Variants in SKA2 observed in about 807,000 individuals in gnomAD.
The protein encoded by SKA2 is spindle and kinetochore associated complex subunit 2.
SKA2 carries 13 observed loss-of-function variants against 16.9 expected under a neutral mutation model. That is an observed-to-expected ratio of 0.77 (90% CI 0.50 to 1.22). SKA2 has a LOEUF of 1.22. Ranked by LOEUF, SKA2 falls within the 50% of genes most tolerant of loss-of-function variation. SKA2 has a pLI of 0.00. For missense variants in SKA2, 107 were observed against 139.7 expected (o/e 0.77, Z 1.18); for synonymous variants, 47 against 48.5 (o/e 0.97, Z 0.13).
At chr17:59,117,584 CT>C (rs200334726) in intron 3 of SKA2, among the ~76,000 whole-genome samples, 2,322 of 150,560 alleles carry the variant, frequency 0.015, 62 homozygotes, top group African/African-American at 0.054. Flanking sequence ...TCTTCTTTTT[CT>C]TTTTTTTCTT....
intron 3 of SKA2, 38 bp downstream of exon 3, chr17:59,119,281 A>G (rs913398369): frequency 1.2e-6 from 2 of 1,605,162 alleles, no homozygotes; most frequent in African/African-American, 1.3e-5. Context: ...CTCAGAGCTA[A>G]AGCTAAACAA....
intron 2 of SKA2, among the ~76,000 whole-genome samples, chr17:59,130,966 T>C (rs1002766964): frequency 6.6e-6 from 1 of 152,160 alleles, no homozygotes; most frequent in Non-Finnish European, 1.5e-5. Context: ...TCAAACTTAC[T>C]GAAGAACAAC....
In SKA2 at chr17:59,113,500, C is replaced by G. The variant is rs1353264514; in HGVS notation, c.298-1155G>C. On this transcript the variant is annotated intron_variant, in intron 3 of 3. Coordinates refer to ENST00000330137, the MANE Select transcript of SKA2 (RefSeq NM_182620.4). ...ATCGCACCACTGAACTCCATCCAGC[C>G]TGGGTGACAGAGCAAGACTAAATCA... Among the ~76,000 whole-genome samples the G allele has an allele frequency of 3.8e-4, 58 of 151,636 alleles. 1 individual carries two copies. Among genetic ancestry groups the G allele is most frequent in the Admixed American group, 3.8e-3 (58 of 15,182 alleles).
At chr17:59,147,339 G>C (rs1032279410) in intron 1 of SKA2, among the ~76,000 whole-genome samples, 1 of 150,374 alleles carries the variant, frequency 6.7e-6, no homozygotes, top group African/African-American at 2.5e-5. Flanking sequence ...TGCGCTTAAG[G>C]CCAGGGCTGG....
chr17:59,110,166 A>G lies in SKA2; in HGVS notation c.*2111T>C, dbSNP rs909249491. The G allele has an allele frequency of 6.6e-6, 1 of 152,208 alleles. No individual in the cohort carries two copies. The highest frequency in any genetic ancestry group is 1.5e-5 in the Non-Finnish European group (1 of 68,042). The allele number at this position is 152,208 out of a possible 1,614,324, so 9.4% of individuals were successfully genotyped here. On this transcript the variant is annotated 3_prime_UTR_variant, in exon 4 of 4. Transcript: ENST00000330137. The stretch of plus-strand genomic sequence containing the variant: ...AAGTTATATTTAGGAGTCATCCACA[A>G]AGAGGCTTGAGAAACAAATGAAAAT...
intron 1 of SKA2, among the ~76,000 whole-genome samples, chr17:59,141,484 G>A (rs1294468965): frequency 6.6e-6 from 1 of 152,108 alleles, no homozygotes; most frequent in Non-Finnish European, 1.5e-5. Context: ...CTAGCACTTG[G>A]GGAGGCCGAG....
intron 2 of SKA2, among the ~76,000 whole-genome samples, chr17:59,130,621 C>T (rs1469211484): frequency 2.0e-5 from 3 of 149,748 alleles, no homozygotes; most frequent in Non-Finnish European, 4.4e-5. Context: ...CAGAGTGATC[C>T]GTCTCAAAAA....
intron 1 of SKA2, among the ~76,000 whole-genome samples, chr17:59,148,421 A>G (rs1303216318): frequency 6.6e-6 from 1 of 152,060 alleles, no homozygotes; most frequent in Non-Finnish European, 1.5e-5. Flanking sequence ...AAAAAAATAA[A>G]AATAAAAAAA....
intron 1 of SKA2, among the ~76,000 whole-genome samples, chr17:59,153,204 A>G (rs2046590565): frequency 6.6e-6 from 1 of 152,232 alleles, no homozygotes; most frequent in Non-Finnish European, 1.5e-5. Context: ...AGCAGAAATG[A>G]ATTATGAATT....
chr17:59,147,221 A>AAAAAAC (rs369241944), intron 1 of SKA2, among the ~76,000 whole-genome samples: 49 of 152,222 alleles, frequency 3.2e-4, no homozygotes, highest in African/African-American at 1.1e-3. Flanking sequence ...TAGGTTATTA[A>AAAAAAC]AAAAACAAAA....
At chr17:59,116,428 CTTT>C (rs929516990) in intron 3 of SKA2, among the ~76,000 whole-genome samples, 1 of 151,586 alleles carries the variant, frequency 6.6e-6, no homozygotes, top group East Asian at 1.9e-4. Context: ...TGTCTTTTGT[CTTT>C]TTTTTTCTTC....
At chr17:59,141,539 A>G (rs1402521342) in intron 1 of SKA2, among the ~76,000 whole-genome samples, 3 of 152,022 alleles carry the variant, frequency 2.0e-5, no homozygotes, top group African/African-American at 7.2e-5. Context: ...CAGCCTAGCC[A>G]ATATGGTGAA....
At chr17:59,124,883 G>A (rs1317553354) in intron 2 of SKA2, among the ~76,000 whole-genome samples, 2 of 152,112 alleles carry the variant, frequency 1.3e-5, no homozygotes, top group Non-Finnish European at 2.9e-5. Context: ...TTAGGACTGT[G>A]GTTAGGACTT....
chr17:59,140,590 G>A (rs1481617516), intron 1 of SKA2, among the ~76,000 whole-genome samples: 1 of 151,428 alleles, frequency 6.6e-6, no homozygotes, highest in Non-Finnish European at 1.5e-5. Context: ...GCCTCTAAAA[G>A]GCTAGTTTTA....
At chr17:59,148,808 CAAAAAAAAAA>C (rs758187008) in intron 1 of SKA2, among the ~76,000 whole-genome samples, 3 of 47,582 alleles carry the variant, frequency 6.3e-5, no homozygotes, top group South Asian at 1.7e-3. Flanking sequence ...GACCCTGTCT[CAAAAAAAAAA>C]AAAAAAAAAA....
chr17:59,148,378 C>T (rs1489913638), intron 1 of SKA2, among the ~76,000 whole-genome samples: 1 of 151,932 alleles, frequency 6.6e-6, no homozygotes, highest in Non-Finnish European at 1.5e-5. Context: ...AAGTTTGAGA[C>T]CAGCCTGGGC....
chr17:59,140,282 T>A (rs1380373103), intron 1 of SKA2, among the ~76,000 whole-genome samples: 1 of 151,868 alleles, frequency 6.6e-6, no homozygotes, highest in Non-Finnish European at 1.5e-5. Flanking sequence ...CAGGCTGAAG[T>A]GCAATGGCAC....
Position 59,119,505 on chromosome 17 carries a change from G to C in SKA2, c.121-10C>G. 2 of 1,607,214 alleles carry C rather than the reference G, an allele frequency of 1.2e-6. No individual in the cohort carries two copies. The highest frequency in any genetic ancestry group is 1.3e-5 in the African/African-American group (1 of 74,604). On this transcript the variant is annotated splice_polypyrimidine_tract_variant and intron_variant, in intron 2 of 3. Coordinates refer to ENST00000330137, the MANE Select transcript of SKA2 (RefSeq NM_182620.4). ...GTGTAACTGGATTTTTCTATGTCAG[G>C]AAAAAAGTGAACATGTATTAAATTA...
intron 2 of SKA2, among the ~76,000 whole-genome samples, chr17:59,128,094 A>G (rs866341817): frequency 6.6e-5 from 10 of 151,448 alleles, no homozygotes; most frequent in Middle Eastern, 6.4e-3. Flanking sequence ...ACGCACCTGT[A>G]CTCCTAGCTA....
Sources: gnomAD v4.1 joint callset for allele counts (sites outside exome capture counted in the v4.1 genomes callset) on GRCh38, gnomAD v4.1.1 for gene constraint, MANE v1.5 for transcripts, NCBI Gene and HGNC (gene_info 2026-07-23, HGNC 2026-07-21) for gene names.